The following EMILIN2 variants were observed in gnomAD, a reference collection of about 807,000 sequenced individuals.
EMILIN2 encodes the protein elastin microfibril interfacer 2.
Under a neutral mutation model 87.1 loss-of-function variants are expected in EMILIN2, and 71 were observed. That is an observed-to-expected ratio of 0.82 (90% CI 0.67 to 0.99). The LOEUF is 0.99. EMILIN2 is among the 50% of genes least tolerant of loss of function. The pLI is 0.00. For synonymous variants in EMILIN2, 581 were observed against 563.4 expected (o/e 1.03, Z -0.44); for missense variants, 1,407 against 1,371.8 (o/e 1.03, Z -0.40).
Position 2,847,437 on chromosome 18 carries a change from C to A in EMILIN2, c.134+115C>A. 1 of 1,135,774 alleles carries A rather than the reference C, an allele frequency of 8.8e-7. No homozygotes were observed. The highest frequency in any genetic ancestry group is 1.1e-6 in the Non-Finnish European group (1 of 899,540). 70.4% of individuals were successfully genotyped at this position (1,135,774 alleles called of 1,614,324 possible). ...GCGGCAGCCGGGGGCCTCCCTTGGA[C>A]TTCCCCGGGCGGCTCCCTCTGCGGG... On this transcript the variant is annotated intron_variant, in intron 1 of 7. Transcript: ENST00000254528. The surrounding 1 kb of genome is among the most constrained non-coding windows in gnomAD (Gnocchi z 4.5).
rs894954497 is a variant in EMILIN2 at position 2,880,417 on chromosome 18, C to G, written c.258-4547C>G. ...TAGAGGAAGAGGCGGGCAAAGGAGACTTGGCTGGAATGGGGGAGAGTTCAC... is the reference window on the plus strand; with the variant it reads ...TAGAGGAAGAGGCGGGCAAAGGAGAGTTGGCTGGAATGGGGGAGAGTTCAC... On this transcript the variant is annotated intron_variant, in intron 2 of 7. Coordinates refer to ENST00000254528, the MANE Select transcript of EMILIN2 (RefSeq NM_032048.3). This position sits in a 1 kb window ranked among gnomAD's most constrained non-coding sequence, Gnocchi z 4.1. Among the ~76,000 whole-genome samples, 2 of 152,204 alleles carry G rather than the reference C, an allele frequency of 1.3e-5. No individual in the cohort carries two copies. Among genetic ancestry groups the G allele is most frequent in the Non-Finnish European group, 2.9e-5 (2 of 68,030 alleles).
Position 2,847,361 on chromosome 18 carries a change from C to T in EMILIN2, c.134+39C>T, listed in dbSNP as rs909338699. The T allele has an allele frequency of 1.6e-6, 2 of 1,284,112 alleles. No homozygotes were observed. Among genetic ancestry groups the T allele is most frequent in the East Asian group, 3.3e-5 (1 of 30,492 alleles). The allele number at this position is 1,284,112 out of a possible 1,614,324, so 79.5% of individuals were successfully genotyped here. A position where few individuals can be genotyped will look rare whatever the true frequency, so the allele number is the denominator to read the frequency against. ...CCTTGGCTGGCCCCAAACCGCCTAC[C>T]CCTCCCCGGCCCCCAGTTGAGCCCC... On this transcript the variant is annotated intron_variant, in intron 1 of 7. Coordinates refer to ENST00000254528, the MANE Select transcript of EMILIN2 (RefSeq NM_032048.3). The surrounding 1 kb of genome is among the most constrained non-coding windows in gnomAD (Gnocchi z 4.5).
chr18:2,893,742 C>T (rs1222298497), intron 4 of EMILIN2, among the ~76,000 whole-genome samples: 1 of 152,152 alleles, frequency 6.6e-6, no homozygotes, highest in Non-Finnish European at 1.5e-5. Context: ...GGCTTGGTCA[C>T]TTCAGGGGGA....
intron 2 of EMILIN2, among the ~76,000 whole-genome samples, chr18:2,862,917 C>T (rs2076668145): frequency 6.6e-6 from 1 of 152,120 alleles, no homozygotes; most frequent in Non-Finnish European, 1.5e-5. Flanking sequence ...TTGGTCTATT[C>T]AGAGATTCAA....
At chr18:2,912,063 C>G (rs568391385) in intron 7 of EMILIN2, among the ~76,000 whole-genome samples, 2 of 117,974 alleles carry the variant, frequency 1.7e-5, no homozygotes, top group African/African-American at 6.6e-5. Flanking sequence ...TTTTCTGAGA[C>G]AGTCTTGTTC....
chr18:2,884,113 G>A (rs1190540171), intron 2 of EMILIN2, among the ~76,000 whole-genome samples: 2 of 151,862 alleles, frequency 1.3e-5, no homozygotes, highest in Non-Finnish European at 2.9e-5. Context: ...ACGCCATCAC[G>A]CCCGGCTAAT....
chr18:2,891,873 T>G lies in EMILIN2; in HGVS notation c.1746T>G (p.Leu582=). 1 of 1,614,230 alleles carries G rather than the reference T, an allele frequency of 6.2e-7. No individual in the cohort carries two copies. The highest frequency in any genetic ancestry group is 8.5e-7 in the Non-Finnish European group (1 of 1,180,042). ...GCGCAGTACGCGACAGCCTGCACCTTTTGAAATCTCTCAACGACACGATGC... is the reference window on the plus strand; with the variant it reads ...GCGCAGTACGCGACAGCCTGCACCTGTTGAAATCTCTCAACGACACGATGC... The part of the protein sequence containing the change: ...EDRAVRDSLH[L]LKSLNDTMHR... The change falls in exon 4 of 8, where the codon CTT becomes CTG. Residue 582 remains leucine (L), a synonymous_variant. Coordinates refer to ENST00000254528, the MANE Select transcript of EMILIN2 (RefSeq NM_032048.3). The surrounding 1 kb of genome is among the most constrained non-coding windows in gnomAD (Gnocchi z 4.6).
At position 2,890,486 on chromosome 18, in the gene EMILIN2, CTTG is replaced by C. The variant is rs2076829048; in HGVS notation, c.434-72_434-70del. ...AGATGTACATGTATTTTGTAGGTACCTTGTTTATTGTCTTGGCAGAATCTGGCT... is the reference window on the plus strand; with the variant it reads ...AGATGTACATGTATTTTGTAGGTACCTTTATTGTCTTGGCAGAATCTGGCT... On this transcript the variant is annotated intron_variant, in intron 3 of 7. Transcript: ENST00000254528. The surrounding 1 kb of genome is among the most constrained non-coding windows in gnomAD (Gnocchi z 4.7). 2.7e-6 allele frequency: 4 copies of C among 1,494,732 alleles called. No individual in the cohort carries two copies. In the East Asian group the frequency reaches 9.1e-5, roughly 34 times the overall value. The allele number at this position is 1,494,732 out of a possible 1,614,324, so 92.6% of individuals were successfully genotyped here. A position where few individuals can be genotyped will look rare whatever the true frequency, so the allele number is the denominator to read the frequency against.
intron 3 of EMILIN2, among the ~76,000 whole-genome samples, chr18:2,889,767 C>A (rs2035000053): frequency 6.9e-6 from 1 of 144,266 alleles, no homozygotes; most frequent in African/African-American, 2.6e-5. Flanking sequence ...CTCCTGGGCT[C>A]ACGCCATCTT....
At chr18:2,895,423 A>G (rs895603531) in intron 4 of EMILIN2, among the ~76,000 whole-genome samples, 1 of 152,220 alleles carries the variant, frequency 6.6e-6, no homozygotes, top group Non-Finnish European at 1.5e-5. Flanking sequence ...TTATTGCTTT[A>G]TAACAACCCA....
chr18:2,909,099 C>T (rs2076928618), intron 6 of EMILIN2, 124 bp downstream of exon 6: 2 of 1,214,770 alleles, frequency 1.6e-6, no homozygotes. Flanking sequence ...CCCAGCCCTT[C>T]CCCACCCACC....
intron 3 of EMILIN2, among the ~76,000 whole-genome samples, chr18:2,885,761 G>T (rs2076800697): frequency 6.6e-6 from 1 of 152,038 alleles, no homozygotes; most frequent in Non-Finnish European, 1.5e-5. Flanking sequence ...CAAGTGATCT[G>T]CCCACCTCGG....
At chr18:2,866,879 C>T (rs951725365) in intron 2 of EMILIN2, among the ~76,000 whole-genome samples, 1 of 151,994 alleles carries the variant, frequency 6.6e-6, no homozygotes, top group African/African-American at 2.4e-5. Flanking sequence ...TCTTGTATGC[C>T]GATTTTGCTG....
chr18:2,867,832 T>C (rs902181334), intron 2 of EMILIN2, among the ~76,000 whole-genome samples: 1 of 152,226 alleles, frequency 6.6e-6, no homozygotes, highest in Non-Finnish European at 1.5e-5. Flanking sequence ...AAACCGCCAT[T>C]GTCATCATGG....
chr18:2,890,643 A>G lies in EMILIN2; in HGVS notation c.516A>G (p.Pro172=), dbSNP rs1170161848. 6.2e-7 allele frequency: 1 copy of G among 1,613,918 alleles called. No homozygotes were observed. The highest frequency in any genetic ancestry group is 1.7e-5 in the Admixed American group (1 of 60,000). The change falls in exon 4 of 8, where the codon CCA becomes CCG. Residue 172 remains proline, a synonymous_variant. Transcript: ENST00000254528. This position sits in a 1 kb window ranked among gnomAD's most constrained non-coding sequence, Gnocchi z 4.7. ...CACAACCAAGCTGGGGGGTAGATCC[A>G]AAAGAGGGGCCTCAGGAACTTCAGG... ...GTAQPSWGVD[P]KEGPQELQEK...
At chr18:2,853,914 C>A (rs940964029) in intron 2 of EMILIN2, among the ~76,000 whole-genome samples, 1 of 152,206 alleles carries the variant, frequency 6.6e-6, no homozygotes, top group Non-Finnish European at 1.5e-5. Context: ...AAAACAGCAC[C>A]GTGTTTCTTC....
intron 2 of EMILIN2, among the ~76,000 whole-genome samples, chr18:2,875,287 C>G (rs2076741626): frequency 6.6e-6 from 1 of 152,146 alleles, no homozygotes; most frequent in Non-Finnish European, 1.5e-5. Context: ...GAGGGAGGGT[C>G]GCTTCATGGT....
chr18:2,913,514 C>A lies in EMILIN2; in HGVS notation c.*110C>A. ...CACGGGGCTAGAGTTTCCACATAGGCCCCAACATAAAGGCCTTCCCTCGCT... is the reference window on the plus strand; with the variant it reads ...CACGGGGCTAGAGTTTCCACATAGGACCCAACATAAAGGCCTTCCCTCGCT... On this transcript the variant is annotated 3_prime_UTR_variant, in exon 8 of 8. Coordinates refer to ENST00000254528, the MANE Select transcript of EMILIN2 (RefSeq NM_032048.3). The A allele has an allele frequency of 2.3e-6, 2 of 885,450 alleles. No homozygotes were observed. Among genetic ancestry groups the A allele is most frequent in the Non-Finnish European group, 3.4e-6 (2 of 595,326 alleles). The allele number at this position is 885,450 out of a possible 1,614,324, so 54.8% of individuals were successfully genotyped here.
chr18:2,891,633 G>T lies in EMILIN2; in HGVS notation c.1506G>T (p.Gly502=). Residue 502 remains glycine, a synonymous_variant, in exon 4 of 8, where the codon GGG becomes GGT. Coordinates refer to ENST00000254528, the MANE Select transcript of EMILIN2 (RefSeq NM_032048.3). The surrounding 1 kb of genome is among the most constrained non-coding windows in gnomAD (Gnocchi z 4.6). The stretch of plus-strand genomic sequence containing the variant: ...TACAGTCTCTGGAAGACCGTCTGGG[G>T]AGCGTTCTCCTACAGATGACCAATA... ...QKIQSLEDRL[G]SVLLQMTNNT... 6.2e-7 allele frequency: 1 copy of T among 1,614,048 alleles called. No individual in the cohort carries two copies. Among genetic ancestry groups the T allele is most frequent in the Non-Finnish European group, 8.5e-7 (1 of 1,180,026 alleles).
Sources: allele counts gnomAD v4.1 joint callset (sites outside exome capture counted in the v4.1 genomes callset), GRCh38; gene constraint gnomAD v4.1.1; non-coding constraint Gnocchi (gnomAD v3.1); transcripts MANE v1.5; gene names NCBI Gene and HGNC (gene_info 2026-07-23, HGNC 2026-07-21).